GPRIN1: variants seen among roughly 807,000 people sequenced by gnomAD.
The protein encoded by GPRIN1 is G protein-regulated inducer of neurite outgrowth 1.
A neutral mutation model predicts 2.8 loss-of-function variants in GPRIN1; 4 were observed. That is an observed-to-expected ratio of 1.45 (90% confidence interval 0.71 to 3.32). The LOEUF (loss-of-function observed/expected upper bound fraction) is 3.32, where lower values mean the gene tolerates loss of function less well. Among genes scored for constraint, GPRIN1 ranks in the 30% most tolerant of loss-of-function variants. The probability of loss-of-function intolerance (pLI) is 0.01; values close to 1 mark genes in which losing one functional copy is unlikely to be tolerated. For missense variants in GPRIN1, 1,322 were observed against 1,343.4 expected (o/e 0.98, Z 0.25); for synonymous variants, 589 against 589.9 (o/e 1.00, Z 0.02).
chr5:176,600,409 T>G (rs997566975), intron 1 of GPRIN1, among the ~76,000 whole-genome samples: 2 of 152,118 alleles, frequency 1.3e-5, no homozygotes, highest in Non-Finnish European at 2.9e-5. Flanking sequence ...ACCCACAGCC[T>G]AACTTTTCAA....
chr5:176,600,817 G>T (rs768041674), intron 1 of GPRIN1, among the ~76,000 whole-genome samples: 1 of 152,200 alleles, frequency 6.6e-6, no homozygotes, highest in Non-Finnish European at 1.5e-5. Context: ...TCAGGAGGCC[G>T]AGGCAGGAGA....
chr5:176,597,382 G>A lies in GPRIN1; in HGVS notation c.2453C>T (p.Ala818Val), dbSNP rs1759057940. 3 of 1,279,118 alleles carry A rather than the reference G, an allele frequency of 2.3e-6. No individual in the cohort carries two copies. Among genetic ancestry groups the A allele is most frequent in the South Asian group, 2.7e-5 (1 of 37,054 alleles). The allele number at this position is 1,279,118 out of a possible 1,614,324, so 79.2% of individuals were successfully genotyped here. Reference sequence around the variant, plus strand: ...CACGGCCACTGAGACGCAGGCCTGCGCGCCCGCCTGAGTGCCCGCGTCCTC... The same window carrying A: ...CACGGCCACTGAGACGCAGGCCTGCACGCCCGCCTGAGTGCCCGCGTCCTC... ...PREDAGTQAG[A>V]QACVSVAVSP... The change falls in exon 2 of 2, where the codon GCG becomes GTG. Residue 818 changes from alanine to valine, a missense_variant. Ala to Val is a moderately conservative substitution (Grantham distance 64). Around this residue, in one of 3 missense-constraint regions of GPRIN1, gnomAD observed 1,117 missense variants for 1,128.6 expected, o/e 0.99. Coordinates refer to ENST00000303991, the MANE Select transcript of GPRIN1 (RefSeq NM_052899.3). The surrounding 1 kb of genome is among the most constrained non-coding windows in gnomAD (Gnocchi z 6.1).
rs773670993 is a variant in GPRIN1 at position 176,599,403 on chromosome 5, G to C, written c.432C>G (p.Asp144Glu). The change falls in exon 2 of 2, where the codon GAC becomes GAG. Residue 144 changes from aspartate to glutamate, a missense_variant. Transcript: ENST00000303991. ...TCTTCTCTAAGAACATGGGATTTCT[G>C]TCATCTGAGGATTTGGGCTCAGTTT... is the stretch of plus-strand genomic sequence containing the variant. ...SVKTEPKSSD[D>E]RNPMFLEKMD... 2 of 1,614,226 alleles carry C rather than the reference G, an allele frequency of 1.2e-6. No individual in the cohort carries two copies. The highest frequency in any genetic ancestry group is 2.2e-5 in the South Asian group (2 of 91,090).
chr5:176,599,787 A>G lies in GPRIN1; in HGVS notation c.48T>C (p.Asp16=). ...TGGGTCGGGGTCCTGGGGGGCTGGAATCCTTTTGAAGCAGCTGGAGCCAGG... is the reference window on the plus strand; with the variant it reads ...TGGGTCGGGGTCCTGGGGGGCTGGAGTCCTTTTGAAGCAGCTGGAGCCAGG... ...DPAWLQLLQK[D]SSPPGPRPTA... Residue 16 remains aspartate (D), a synonymous_variant, in exon 2 of 2, where the codon GAT becomes GAC. Coordinates refer to ENST00000303991, the MANE Select transcript of GPRIN1 (RefSeq NM_052899.3). The G allele has an allele frequency of 5.3e-6, 8 of 1,508,092 alleles. No individual in the cohort carries two copies. Among genetic ancestry groups the G allele is most frequent in the Non-Finnish European group, 7.1e-6 (8 of 1,127,266 alleles). The allele number at this position is 1,508,092 out of a possible 1,614,324, so 93.4% of individuals were successfully genotyped here. A position where few individuals can be genotyped will look rare whatever the true frequency, so the allele number is the denominator to read the frequency against.
At chr5:176,608,718 C>A (rs996053380) in intron 1 of GPRIN1, among the ~76,000 whole-genome samples, 1 of 152,212 alleles carries the variant, frequency 6.6e-6, no homozygotes, top group Non-Finnish European at 1.5e-5. Context: ...GGGAGAGCAG[C>A]AGCCCCTGTG....
rs746679813 is a variant in GPRIN1 at position 176,597,662 on chromosome 5, TGGA to T, written c.2170_2172del (p.Ser724del). On this transcript the variant is annotated inframe_deletion, in exon 2 of 2. Coordinates refer to ENST00000303991, the MANE Select transcript of GPRIN1 (RefSeq NM_052899.3). The surrounding 1 kb of genome is among the most constrained non-coding windows in gnomAD (Gnocchi z 6.1). ...CCGAGGGCTTTGCGGTCTAACTGCC[TGGA>T]GGAGGAGGACGGCTTGGTCTTCTCC... 5 of 1,596,704 alleles carry T rather than the reference TGGA, an allele frequency of 3.1e-6. No homozygotes were observed. Among genetic ancestry groups the T allele is most frequent in the Non-Finnish European group, 3.4e-6 (4 of 1,173,512 alleles).
chr5:176,609,097 G>A (rs1212126011), intron 1 of GPRIN1, among the ~76,000 whole-genome samples: 2 of 152,220 alleles, frequency 1.3e-5, no homozygotes, highest in East Asian at 1.9e-4. Context: ...GTTCATGGAC[G>A]TGCAAACGTG....
chr5:176,600,201 A>G (rs1309266276), intron 1 of GPRIN1, among the ~76,000 whole-genome samples: 1 of 152,106 alleles, frequency 6.6e-6, no homozygotes, highest in Non-Finnish European at 1.5e-5. Context: ...GCTCACCGCA[A>G]CCGCAACCTC....
In GPRIN1 at chr5:176,597,502, C is replaced by T. The variant is rs768818917; in HGVS notation, c.2333G>A (p.Cys778Tyr). 186 of 1,446,310 alleles carry T rather than the reference C, an allele frequency of 1.3e-4. No individual in the cohort carries two copies. In the Admixed American group the frequency reaches 1.7e-3, roughly 13 times the overall value. 89.6% of individuals were successfully genotyped at this position (1,446,310 alleles called of 1,614,324 possible). ...CGGCGGGGGCGCTGCGGCCTCTGGG[C>T]AGGGGCTTCTCTCGGCCCCAGCGGC... Reference protein sequence around the residue: ...LEAAGAERSPCPEAAAPPPGP... With the variant: ...LEAAGAERSPYPEAAAPPPGP... Residue 778 changes from cysteine (C) to tyrosine (Y), a missense_variant, in exon 2 of 2, where the codon TGC becomes TAC. Physicochemically the swap from Cys to Tyr is radical, Grantham distance 194. This residue lies in a region of GPRIN1 where 1,117 missense variants were observed against 1,128.6 expected (regional missense o/e 0.99). Transcript: ENST00000303991. The surrounding 1 kb of genome is among the most constrained non-coding windows in gnomAD (Gnocchi z 6.1).
chr5:176,609,602 T>A (rs1486151168), intron 1 of GPRIN1, among the ~76,000 whole-genome samples: 1 of 151,962 alleles, frequency 6.6e-6, no homozygotes, highest in Non-Finnish European at 1.5e-5. Context: ...GGAAGATGAA[T>A]CAACGCGGGA....
In GPRIN1 at chr5:176,597,595, C is replaced by G; in HGVS notation, c.2240G>C (p.Arg747Pro). ...SPEGARGSEG[R>P]VEPKAEPVSS... ...CACGGGCTCGGCCTTCGGCTCCACGCGGCCTTCACTGCCCCTGGCACCCTC... is the reference window on the plus strand; with the variant it reads ...CACGGGCTCGGCCTTCGGCTCCACGGGGCCTTCACTGCCCCTGGCACCCTC... Residue 747 changes from arginine to proline, a missense_variant, in exon 2 of 2, where the codon CGC becomes CCC. Transcript: ENST00000303991. This position sits in a 1 kb window ranked among gnomAD's most constrained non-coding sequence, Gnocchi z 6.1. The G allele has an allele frequency of 1.3e-6, 2 of 1,597,658 alleles. No homozygotes were observed. The highest frequency in any genetic ancestry group is 8.5e-7 in the Non-Finnish European group (1 of 1,178,242).
intron 1 of GPRIN1, among the ~76,000 whole-genome samples, chr5:176,606,007 T>C (rs993343697): frequency 1.3e-5 from 2 of 152,064 alleles, no homozygotes; most frequent in African/African-American, 2.4e-5. Context: ...CTACCCCTCA[T>C]TTCAGCCCTG....
In GPRIN1 at chr5:176,599,786, A is replaced by C. The variant is rs374324333; in HGVS notation, c.49T>G (p.Ser17Ala). 1 of 1,508,048 alleles carries C rather than the reference A, an allele frequency of 6.6e-7. No individual in the cohort carries two copies. The highest frequency in any genetic ancestry group is 8.9e-7 in the Non-Finnish European group (1 of 1,127,328). The allele number at this position is 1,508,048 out of a possible 1,614,324, so 93.4% of individuals were successfully genotyped here. Residue 17 changes from serine (S) to alanine (A), a missense_variant, in exon 2 of 2, where the codon TCC (serine) becomes GCC (alanine). Around this residue, in one of 3 missense-constraint regions of GPRIN1, gnomAD observed 1,117 missense variants for 1,128.6 expected, o/e 0.99. Coordinates refer to ENST00000303991, the MANE Select transcript of GPRIN1 (RefSeq NM_052899.3). ...GTGGGTCGGGGTCCTGGGGGGCTGG[A>C]ATCCTTTTGAAGCAGCTGGAGCCAG... is the stretch of plus-strand genomic sequence containing the variant. ...PAWLQLLQKD[S>A]SPPGPRPTAF...
chr5:176,598,439 G>A lies in GPRIN1; in HGVS notation c.1396C>T (p.Pro466Ser). The change falls in exon 2 of 2, where the codon CCC becomes TCC. Residue 466 changes from proline to serine, a missense_variant. By Grantham distance (74) the Pro-to-Ser change is moderately conservative. Coordinates refer to ENST00000303991, the MANE Select transcript of GPRIN1 (RefSeq NM_052899.3). ...GTCTTTCTACTTCCAGCAGATATGG[G>A]GTCCTCCCTTCTGGAGGACACCGGG... Reference protein sequence around the residue: ...EDPVSSRREDPISAGSRKTSS... With the variant: ...EDPVSSRREDSISAGSRKTSS... The A allele has an allele frequency of 6.2e-7, 1 of 1,613,584 alleles. No homozygotes were observed. The highest frequency in any genetic ancestry group is 8.5e-7 in the Non-Finnish European group (1 of 1,179,608).
Position 176,598,735 on chromosome 5 carries a change from G to C in GPRIN1, c.1100C>G (p.Thr367Arg). 6.2e-7 allele frequency: 1 copy of C among 1,613,754 alleles called. No individual in the cohort carries two copies. Among genetic ancestry groups the C allele is most frequent in the Non-Finnish European group, 8.5e-7 (1 of 1,180,042 alleles). Residue 367 changes from threonine (T) to arginine (R), a missense_variant, in exon 2 of 2, where the codon ACA becomes AGA. Around this residue, in one of 3 missense-constraint regions of GPRIN1, gnomAD observed 1,117 missense variants for 1,128.6 expected, o/e 0.99. Coordinates refer to ENST00000303991, the MANE Select transcript of GPRIN1 (RefSeq NM_052899.3). ...SVGNVETVPA[T>R]KEDSRFLGKM... ...TCCCAGGAACCGGGAGTCCTCTTTT[G>C]TGGCAGGCACAGTTTCTACATTTCC...
At chr5:176,601,117 C>G (rs1422206067) in intron 1 of GPRIN1, among the ~76,000 whole-genome samples, 1 of 151,500 alleles carries the variant, frequency 6.6e-6, no homozygotes, top group South Asian at 2.1e-4. Context: ...GTGGGCCAAA[C>G]AAGACTTGCC....
At chr5:176,606,366 C>T (rs763536668) in intron 1 of GPRIN1, among the ~76,000 whole-genome samples, 5 of 152,174 alleles carry the variant, frequency 3.3e-5, no homozygotes, top group African/African-American at 4.8e-5. Context: ...CAAAACCTGA[C>T]CCTCAGACAG....
At chr5:176,603,596 A>G (rs1759179259) in intron 1 of GPRIN1, among the ~76,000 whole-genome samples, 1 of 152,196 alleles carries the variant, frequency 6.6e-6, no homozygotes, top group African/African-American at 2.4e-5. Flanking sequence ...GAGGGAACAC[A>G]GGAAGAGGAA....
intron 1 of GPRIN1, among the ~76,000 whole-genome samples, chr5:176,609,451 C>T (rs1402872739): frequency 6.6e-6 from 1 of 152,144 alleles, no homozygotes; most frequent in Non-Finnish European, 1.5e-5. Flanking sequence ...AGACCTGTGG[C>T]CTCACTCGAG....
Sources: allele counts gnomAD v4.1 joint callset (sites outside exome capture counted in the v4.1 genomes callset), GRCh38; gene constraint gnomAD v4.1.1; regional missense constraint gnomAD v4.1.1; non-coding constraint Gnocchi (gnomAD v3.1); transcripts MANE v1.5; gene names NCBI Gene and HGNC (gene_info 2026-07-23, HGNC 2026-07-21).